Variants in SYNE2 observed in about 807,000 individuals in gnomAD.
SYNE2 encodes spectrin repeat containing nuclear envelope protein 2, also known as nesprin-2.
SYNE2 carries 431 observed loss-of-function variants against 856.3 expected under a neutral mutation model. That is an observed-to-expected ratio of 0.50 (90% confidence interval 0.47 to 0.55). The LOEUF (loss-of-function observed/expected upper bound fraction) is 0.55. Among genes scored for constraint, SYNE2 ranks in the 20% least tolerant of loss-of-function variants. The pLI is 0.00. For synonymous variants in SYNE2, 2,923 were observed against 2,872.3 expected, an observed-to-expected ratio of 1.02 and a Z score of -0.56; for missense variants, 8,129 against 8,023.2, an observed-to-expected ratio of 1.01 and a Z score of -0.50.
At chr14:64,097,705 G>C (rs764861680) in intron 61 of SYNE2, among the ~76,000 whole-genome samples, 1 of 152,234 alleles carries the variant, frequency 6.6e-6, no homozygotes, top group Non-Finnish European at 1.5e-5. Flanking sequence ...TCAACCCGCA[G>C]AGATTCTGAT....
chr14:64,212,854 A>C lies in SYNE2; in HGVS notation c.18905A>C (p.Gln6302Pro), dbSNP rs367886096. 5 of 1,614,130 alleles carry C rather than the reference A, an allele frequency of 3.1e-6. No individual in the cohort carries two copies. Among genetic ancestry groups the C allele is most frequent in the Non-Finnish European group, 2.5e-6 (3 of 1,180,052 alleles). ...EITLNTNKID[Q>P]LIVFGEQLIQ... is the part of the protein sequence containing the mutation. ...ACATTAAATACCAACAAGATTGATC[A>C]GCTCATTGTGTTTGGGGAGCAGCTG... Residue 6302 changes from glutamine (Q) to proline (P), a missense_variant, in exon 105 of 116, where the codon CAG (glutamine) becomes CCG (proline). Coordinates refer to ENST00000555002, the MANE Select transcript of SYNE2 (RefSeq NM_182914.3).
chr14:63,856,465 T>C (rs1891766422), intron 1 of SYNE2, among the ~76,000 whole-genome samples: 2 of 152,186 alleles, frequency 1.3e-5, no homozygotes, highest in Non-Finnish European at 2.9e-5. Context: ...AGTATACACA[T>C]GTGCTCCTGG....
intron 100 of SYNE2, among the ~76,000 whole-genome samples, chr14:64,208,418 C>T (rs1049970608): frequency 6.6e-6 from 1 of 152,168 alleles, no homozygotes; most frequent in African/African-American, 2.4e-5. Context: ...TGGAGTAGAT[C>T]CCATGCATAC....
intron 1 of SYNE2, among the ~76,000 whole-genome samples, chr14:63,816,890 A>T (rs1445010786): frequency 1.9e-4 from 29 of 151,776 alleles, no homozygotes; most frequent in Admixed American, 1.9e-3. Context: ...GCTATTCTTT[A>T]TTATTATTTT....
intron 107 of SYNE2, chr14:64,215,790 T>C: frequency 2.0e-6 from 1 of 494,534 alleles, no homozygotes; most frequent in East Asian, 6.3e-5. Flanking sequence ...GGAAAAAACC[T>C]TCCTTTCCTT....
intron 99 of SYNE2, among the ~76,000 whole-genome samples, chr14:64,192,296 G>A (rs976310833): frequency 3.9e-5 from 6 of 151,946 alleles, no homozygotes; most frequent in Non-Finnish European, 8.8e-5. Flanking sequence ...AAGTCTTCTC[G>A]GGCCCTTGGC....
At chr14:64,054,901 T>A (rs2097257115) in intron 48 of SYNE2, among the ~76,000 whole-genome samples, 2 of 152,258 alleles carry the variant, frequency 1.3e-5, no homozygotes, top group African/African-American at 4.8e-5. Context: ...GTGTAAATGC[T>A]ATGGCAATGT....
intron 44 of SYNE2, 129 bp downstream of exon 44, chr14:64,030,188 C>T (rs536776041): frequency 5.2e-4 from 471 of 898,206 alleles, no homozygotes; most frequent in Non-Finnish European, 7.5e-4. Flanking sequence ...AATTAAAGCT[C>T]TGACCAGTCA....
chr14:64,190,996 CT>C (rs1331517703), intron 99 of SYNE2: 2 of 702,204 alleles, frequency 2.8e-6, no homozygotes, highest in Non-Finnish European at 5.2e-6. Context: ...ACTTGTGCAG[CT>C]GTGCTTCCAC....
Position 63,990,460 on chromosome 14 carries a change from A to C in SYNE2, c.2363A>C (p.Glu788Ala). 6.2e-7 allele frequency: 1 copy of C among 1,613,760 alleles called. No homozygotes were observed. The change falls in exon 20 of 116, where the codon GAA (glutamate) becomes GCA (alanine). Residue 788 changes from glutamate to alanine, a missense_variant. Glu to Ala is a moderately radical substitution (Grantham distance 107, BLOSUM62 -1). Coordinates refer to ENST00000555002, the MANE Select transcript of SYNE2 (RefSeq NM_182914.3). ...TTTGATGAGCTTATGGCAAGAAGTG[A>C]AGATATGTTACAAATGGATATACAA... ...SMFDELMARS[E>A]DMLQMDIQNI... is the part of the protein sequence containing the mutation.
intron 111 of SYNE2, 48 bp from the exon 112 acceptor site, chr14:64,221,528 T>C (rs531727945): frequency 1.9e-6 from 3 of 1,614,202 alleles, no homozygotes; most frequent in African/African-American, 2.7e-5. Flanking sequence ...GCACACCCTC[T>C]TCCAGGGCTC....
intron 43 of SYNE2, among the ~76,000 whole-genome samples, chr14:64,028,393 C>G (rs760668936): frequency 6.6e-6 from 1 of 152,078 alleles, no homozygotes; most frequent in Non-Finnish European, 1.5e-5. Context: ...GTAGCTAGGA[C>G]TACAGGCATG....
intron 1 of SYNE2, among the ~76,000 whole-genome samples, chr14:63,873,040 G>A (rs2140424143): frequency 6.6e-6 from 1 of 152,188 alleles, no homozygotes; most frequent in South Asian, 2.1e-4. Flanking sequence ...TGGGTTGTTT[G>A]TCTTTTTCGT....
intron 33 of SYNE2, among the ~76,000 whole-genome samples, chr14:64,017,234 C>T (rs776776323): frequency 7.0e-6 from 1 of 143,628 alleles, no homozygotes; most frequent in African/African-American, 2.6e-5. Context: ...GAGGCTGAGG[C>T]AGGAGAATGG....
At chr14:64,146,392 G>T (rs1244545181) in intron 84 of SYNE2, among the ~76,000 whole-genome samples, 169 bp downstream of exon 84, 1 of 152,136 alleles carries the variant, frequency 6.6e-6, no homozygotes, top group African/African-American at 2.4e-5. Context: ...TTACAAAATT[G>T]CAAAGTGCCG....
chr14:63,835,722 G>A lies in SYNE2; in HGVS notation c.-304-16779G>A, dbSNP rs541256203. Among the ~76,000 whole-genome samples the A allele has an allele frequency of 1.4e-4, 22 of 152,018 alleles. No homozygotes were observed. In the South Asian group the frequency reaches 2.9e-3, roughly 20 times the overall value. Reference sequence around the variant, plus strand: ...TCCAAGGCCGGGCGTGGTGGCTAACGCCTGTAATCCCAGTATTTTGGGAGG... The same window carrying A: ...TCCAAGGCCGGGCGTGGTGGCTAACACCTGTAATCCCAGTATTTTGGGAGG... On this transcript the variant is annotated intron_variant, in intron 1 of 23. Coordinates refer to the SYNE2 transcript ENST00000674003.
chr14:63,791,891 G>T (rs1443642790), intron 1 of SYNE2, among the ~76,000 whole-genome samples: 3 of 149,314 alleles, frequency 2.0e-5, no homozygotes, highest in Non-Finnish European at 3.0e-5. Flanking sequence ...CTTGTAGTGA[G>T]TGAGATCGCG....
chr14:63,984,608 C>T (rs2096611143), intron 18 of SYNE2, among the ~76,000 whole-genome samples: 1 of 152,092 alleles, frequency 6.6e-6, no homozygotes, highest in Non-Finnish European at 1.5e-5. Context: ...TTAGAGTCAT[C>T]CTACCAAGTA....
Position 64,052,812 on chromosome 14 carries a change from C to T in SYNE2, c.8899C>T (p.Leu2967=). Residue 2967 remains leucine, a synonymous_variant, in exon 48 of 116, where the codon CTA becomes TTA. Transcript: ENST00000555002. ...EEADSIQRNE[L]LLNQEVNKGV... ...GGCTGACAGTATACAGCGCAATGAA[C>T]TATTACTTAATCAAGAAGTAAATAA... 3 of 1,612,556 alleles carry T rather than the reference C, an allele frequency of 1.9e-6. No homozygotes were observed. Among genetic ancestry groups the T allele is most frequent in the Non-Finnish European group, 2.5e-6 (3 of 1,179,668 alleles).
Sources: gnomAD v4.1 joint callset for allele counts (sites outside exome capture counted in the v4.1 genomes callset) on GRCh38, gnomAD v4.1.1 for gene constraint, MANE v1.5 for transcripts, NCBI Gene and HGNC (gene_info 2026-07-23, HGNC 2026-07-21) for gene names.